Variants in PRKCE observed in about 807,000 individuals in gnomAD.
The protein encoded by PRKCE is protein kinase C epsilon, also known as protein kinase C epsilon type.
In PRKCE, 16 loss-of-function variants were observed where a neutral mutation model predicts 85.4. The observed-to-expected ratio is 0.19, with a 90% confidence interval of 0.13 to 0.28. PRKCE has a LOEUF of 0.28. Among genes scored for constraint, PRKCE ranks in the 10% least tolerant of loss-of-function variants. PRKCE has a pLI of 1.00. For missense variants in PRKCE, 573 were observed against 975.2 expected (o/e 0.59, Z 5.49); for synonymous variants, 388 against 371.5 (o/e 1.04, Z -0.51).
intron 1 of PRKCE, among the ~76,000 whole-genome samples, chr2:45,781,157 A>ACCC (rs113092589): frequency 5.4e-5 from 8 of 149,454 alleles, no homozygotes; most frequent in African/African-American, 2.0e-4. Context: ...ACATACGGAG[A>ACCC]CCCCCCCATC....
chr2:45,787,022 C>A (rs1201882314), intron 1 of PRKCE, among the ~76,000 whole-genome samples: 2 of 152,210 alleles, frequency 1.3e-5, no homozygotes, highest in Non-Finnish European at 2.9e-5. Flanking sequence ...TCCGATGATC[C>A]TATGGGTTTG....
At chr2:45,846,553 CA>C (rs1357966572) in intron 2 of PRKCE, among the ~76,000 whole-genome samples, 1 of 152,186 alleles carries the variant, frequency 6.6e-6, no homozygotes, top group Non-Finnish European at 1.5e-5. Flanking sequence ...ACGTACCTCA[CA>C]AATGATGCAG....
At chr2:46,179,043 C>T (rs899120713) in intron 14 of PRKCE, among the ~76,000 whole-genome samples, 1 of 152,104 alleles carries the variant, frequency 6.6e-6, no homozygotes, top group South Asian at 2.1e-4. Context: ...GGCAGAGGAC[C>T]TCTGGGTTGG....
rs907275264 is a variant in PRKCE at position 46,145,984 on chromosome 2, C to G, written c.1731+753C>G. 2.0e-5 allele frequency among the ~76,000 whole-genome samples: 3 copies of G among 152,220 alleles called. No homozygotes were observed. Among genetic ancestry groups the G allele is most frequent in the African/African-American group, 7.2e-5 (3 of 41,462 alleles). On this transcript the variant is annotated intron_variant, in intron 12 of 14. Coordinates refer to ENST00000306156, the MANE Select transcript of PRKCE (RefSeq NM_005400.3). This position sits in a 1 kb window ranked among gnomAD's most constrained non-coding sequence, Gnocchi z 4.6. ...TAAAACTAGGAACTGTTTGCTATTTCCTGCATAGTGGCAGTTCTATGCTGT... is the reference window on the plus strand; with the variant it reads ...TAAAACTAGGAACTGTTTGCTATTTGCTGCATAGTGGCAGTTCTATGCTGT...
intron 2 of PRKCE, among the ~76,000 whole-genome samples, chr2:45,882,022 G>C (rs1017925997): frequency 6.6e-6 from 1 of 152,188 alleles, no homozygotes; most frequent in African/African-American, 2.4e-5. Flanking sequence ...GACTGGCCAG[G>C]GGGGAAAGGT....
At chr2:46,143,072 C>A (rs1242287727) in intron 11 of PRKCE, among the ~76,000 whole-genome samples, 2 of 152,256 alleles carry the variant, frequency 1.3e-5, no homozygotes, top group East Asian at 3.9e-4. Context: ...ATCCACCAAG[C>A]CTTCACCACC....
At position 46,007,664 on chromosome 2, in the gene PRKCE, C is replaced by G. The variant is rs1395719131; in HGVS notation, c.1263+3C>G. 9.4e-6 allele frequency: 15 copies of G among 1,599,328 alleles called. No homozygotes were observed. The highest frequency in any genetic ancestry group is 5.0e-5 in the Admixed American group (3 of 60,002). ...TGGGCAAAGGCAGCTTTGGCAAGGT[C>G]TGTGGCACACACGGGTGGAACTGCT... On this transcript the variant is annotated splice_donor_region_variant and intron_variant, in intron 9 of 14. Transcript: ENST00000306156.
chr2:46,033,846 G>T (rs147385688), intron 10 of PRKCE, among the ~76,000 whole-genome samples: 1 of 152,190 alleles, frequency 6.6e-6, no homozygotes, highest in Non-Finnish European at 1.5e-5. Context: ...GAGCCTGGAG[G>T]ACTGTAGGAT....
chr2:45,773,533 C>T (rs1404693570), intron 1 of PRKCE, among the ~76,000 whole-genome samples: 1 of 152,188 alleles, frequency 6.6e-6, no homozygotes, highest in Non-Finnish European at 1.5e-5. Context: ...CCTGCTCTTG[C>T]TGACTCCAAA....
At chr2:45,808,939 C>T (rs1688454678) in intron 1 of PRKCE, among the ~76,000 whole-genome samples, 1 of 152,146 alleles carries the variant, frequency 6.6e-6, no homozygotes, top group South Asian at 2.1e-4. Flanking sequence ...CCTACTCCCT[C>T]CTGTTGCCCT....
intron 2 of PRKCE, among the ~76,000 whole-genome samples, chr2:45,975,830 C>A (rs909602392): frequency 6.6e-6 from 1 of 152,130 alleles, no homozygotes; most frequent in Non-Finnish European, 1.5e-5. Flanking sequence ...TGTCATATTT[C>A]CCTCTCCTTT....
chr2:45,803,386 C>T (rs1205144468), intron 1 of PRKCE, among the ~76,000 whole-genome samples: 1 of 152,230 alleles, frequency 6.6e-6, no homozygotes, highest in Non-Finnish European at 1.5e-5. Context: ...TACCCTTGAA[C>T]ACAGTGAAGT....
chr2:45,719,467 G>A (rs1285850540), intron 1 of PRKCE, among the ~76,000 whole-genome samples: 1 of 152,180 alleles, frequency 6.6e-6, no homozygotes, highest in Non-Finnish European at 1.5e-5. Context: ...TGTGGACCAC[G>A]GGAAGGACTG....
intron 2 of PRKCE, among the ~76,000 whole-genome samples, chr2:45,949,904 A>G (rs1367353479): frequency 1.3e-5 from 2 of 151,130 alleles, no homozygotes; most frequent in African/African-American, 4.9e-5. Context: ...TTTTAAAGAA[A>G]ACTCAGTCCA....
At chr2:46,115,834 A>T (rs1200625478) in intron 11 of PRKCE, among the ~76,000 whole-genome samples, 1 of 152,196 alleles carries the variant, frequency 6.6e-6, no homozygotes, top group African/African-American at 2.4e-5. Flanking sequence ...CGGCTGAGAG[A>T]GAGTGACCCC....
chr2:46,184,459 AC>A lies in PRKCE; in HGVS notation c.2068-275del, dbSNP rs1273690993. 6.6e-6 allele frequency among the ~76,000 whole-genome samples: 1 copy of A among 151,616 alleles called. No individual in the cohort carries two copies. The highest frequency in any genetic ancestry group is 1.5e-5 in the Non-Finnish European group (1 of 67,886). On this transcript the variant is annotated intron_variant, in intron 14 of 14. Transcript: ENST00000306156. This position sits in a 1 kb window ranked among gnomAD's most constrained non-coding sequence, Gnocchi z 5.0. ...AACACACACACACACACACACACAC[AC>A]ACGTCTGTGGGAATCCCACTTCCCT...
chr2:45,902,078 C>T (rs1696620117), intron 2 of PRKCE, among the ~76,000 whole-genome samples: 1 of 152,162 alleles, frequency 6.6e-6, no homozygotes, highest in African/African-American at 2.4e-5. Context: ...TTATTTCACC[C>T]TCATAAAAAT....
chr2:46,176,465 G>C (rs774867787), intron 14 of PRKCE, among the ~76,000 whole-genome samples: 1 of 152,132 alleles, frequency 6.6e-6, no homozygotes, highest in South Asian at 2.1e-4. Flanking sequence ...CCGTCTCCCA[G>C]TATTCAGAAA....
chr2:45,817,412 G>C (rs929187327), intron 1 of PRKCE, among the ~76,000 whole-genome samples: 2 of 151,984 alleles, frequency 1.3e-5, no homozygotes, highest in African/African-American at 4.8e-5. Context: ...AAAACTTTCC[G>C]GCTGGGCGCG....
Sources: allele counts gnomAD v4.1 joint callset (sites outside exome capture counted in the v4.1 genomes callset), GRCh38; gene constraint gnomAD v4.1.1; non-coding constraint Gnocchi (gnomAD v3.1); transcripts MANE v1.5; gene names NCBI Gene and HGNC (gene_info 2026-07-23, HGNC 2026-07-21).